The following ERCC8 variants were observed in gnomAD, a reference collection of about 807,000 sequenced individuals.
The protein encoded by ERCC8 is DNA excision repair protein ERCC-8.
In ERCC8, 52 loss-of-function variants were observed where a neutral mutation model predicts 54.9. The observed-to-expected ratio is 0.95, with a 90% CI of 0.76 to 1.19. ERCC8 has a LOEUF of 1.19. Among genes scored for constraint, ERCC8 ranks in the 50% most tolerant of loss-of-function variants. The probability of loss-of-function intolerance (pLI) is 0.00; values close to 1 mark genes in which losing one functional copy is unlikely to be tolerated. For synonymous variants in ERCC8, 146 were observed against 157.2 expected (o/e 0.93, Z 0.53); for missense variants, 514 against 466.1 (o/e 1.10, Z -0.95).
chr5:60,933,207 CTTTTTTTTCT>C (rs1318168140), intron 1 of ERCC8, among the ~76,000 whole-genome samples: 55 of 119,720 alleles, frequency 4.6e-4, no homozygotes, highest in African/African-American at 1.6e-3. Context: ...GCATTTTTTC[CTTTTTTTTCT>C]TTTTTTTTTT....
At chr5:60,932,952 T>A (rs1310643156) in intron 1 of ERCC8, among the ~76,000 whole-genome samples, 3 of 152,102 alleles carry the variant, frequency 2.0e-5, no homozygotes, top group East Asian at 3.9e-4. Context: ...TCTTTTAAAA[T>A]CACCTTTCCA....
chr5:60,941,719 T>G (rs569422139), intron 1 of ERCC8, among the ~76,000 whole-genome samples: 5 of 152,206 alleles, frequency 3.3e-5, no homozygotes, highest in Admixed American at 6.5e-5. Flanking sequence ...TTTGAATGGC[T>G]GCAGATTCCT....
rs1579987403 is a variant in ERCC8, at chr5:60,882,237, A to G, written c.1122+5203T>C. On this transcript the variant is annotated intron_variant, in intron 11 of 11. Transcript: ENST00000676185. ...AACTTTGAATCTTAGAATTCAATCA[A>G]TGAAAACAGTAGAAAAAGTTACGTG... 2.6e-5 allele frequency among the ~76,000 whole-genome samples: 4 copies of G among 152,190 alleles called. No homozygotes were observed. In the South Asian group the frequency reaches 8.3e-4, roughly 32 times the overall value.
At chr5:60,933,718 C>T (rs1488016449) in intron 1 of ERCC8, among the ~76,000 whole-genome samples, 11 of 152,194 alleles carry the variant, frequency 7.2e-5, no homozygotes, top group African/African-American at 2.2e-4. Context: ...TTTTAACCTT[C>T]ACCCCACTTC....
At chr5:60,903,501 G>A (rs937128607) in intron 6 of ERCC8, 147 bp downstream of exon 6, 67 of 1,349,538 alleles carry the variant, frequency 5.0e-5, no homozygotes, top group Non-Finnish European at 6.6e-5. Flanking sequence ...ATAATGCACA[G>A]AAGGATCTTT....
At chr5:60,887,660 C>T in intron 10 of ERCC8, 140 bp from the exon 11 acceptor site, 2 of 686,318 alleles carry the variant, frequency 2.9e-6, no homozygotes, top group Admixed American at 4.8e-5. Context: ...TAGGCCAATG[C>T]TGTTTTTCCT....
At chr5:60,928,257 T>C (rs1384772580) in intron 2 of ERCC8, among the ~76,000 whole-genome samples, 2 of 152,186 alleles carry the variant, frequency 1.3e-5, no homozygotes, top group Non-Finnish European at 2.9e-5. Flanking sequence ...AGTAAAAGTA[T>C]ATGTAATACT....
intron 1 of ERCC8, among the ~76,000 whole-genome samples, chr5:60,937,232 G>A (rs1448697833): frequency 6.6e-6 from 1 of 152,210 alleles, no homozygotes; most frequent in East Asian, 1.9e-4. Context: ...TTTGTTAAAT[G>A]TACTGGTTTT....
In ERCC8 at chr5:60,908,218, AT is replaced by A. The variant is rs35483171; in HGVS notation, c.400-3346del. On this transcript the variant is annotated intron_variant, in intron 4 of 11. Transcript: ENST00000676185. Reference sequence around the variant, plus strand: ...GGACCAGAAATGTTTCAGAGTTCAGATTTTTTTTTTTTTGGTTTGGAAGGTT... The same window carrying A: ...GGACCAGAAATGTTTCAGAGTTCAGATTTTTTTTTTTTGGTTTGGAAGGTT... Among the ~76,000 whole-genome samples, 262 of 144,882 alleles carry A rather than the reference AT, an allele frequency of 1.8e-3. 1 individual carries two copies. Among genetic ancestry groups the A allele is most frequent in the East Asian group, 4.8e-3 (24 of 5,012 alleles).
chr5:60,891,590 CA>C (rs1748558652), intron 9 of ERCC8, among the ~76,000 whole-genome samples: 1 of 150,854 alleles, frequency 6.6e-6, no homozygotes, highest in Non-Finnish European at 1.5e-5. Context: ...TAATACCCCC[CA>C]AAAACCATTC....
intron 2 of ERCC8, among the ~76,000 whole-genome samples, chr5:60,928,118 C>T (rs1308877852): frequency 6.6e-6 from 1 of 152,126 alleles, no homozygotes; most frequent in East Asian, 1.9e-4. Flanking sequence ...TAATTGTAGG[C>T]CACATGAAAG....
chr5:60,944,965 G>A lies in ERCC8; in HGVS notation c.44C>T (p.Pro15Leu). ...LSARQTGLED[P>L]LRLRRAESTR... The stretch of plus-strand genomic sequence containing the variant: ...TGACTCTGCTCTCCGAAGGCGAAGA[G>A]GGTCCTCCAAACCCGTTTGGCGTGC... The change falls in exon 1 of 12, where the codon CCT becomes CTT. Residue 15 changes from proline (P) to leucine (L), a missense_variant. Transcript: ENST00000676185. The A allele has an allele frequency of 6.2e-7, 1 of 1,614,116 alleles. No individual in the cohort carries two copies. The highest frequency in any genetic ancestry group is 8.5e-7 in the Non-Finnish European group (1 of 1,180,006).
intron 3 of ERCC8, chr5:60,919,636 C>G (rs1379327715): frequency 1.3e-5 from 2 of 152,016 alleles, no homozygotes; most frequent in Admixed American, 1.3e-4. Context: ...TCTTTCCTCT[C>G]TTACCTTTAT....
At chr5:60,904,667 TATATATATATATATATAA>T (rs1580006979) in intron 5 of ERCC8, 107 bp downstream of exon 5, 1 of 156,938 alleles carries the variant, frequency 6.4e-6, no homozygotes, top group East Asian at 1.7e-4. Context: ...TATATATATA[TATATATATATATATATAA>T]AATTGTGATA....
chr5:60,883,414 C>T (rs941299262), intron 11 of ERCC8, among the ~76,000 whole-genome samples: 1 of 152,184 alleles, frequency 6.6e-6, no homozygotes, highest in African/African-American at 2.4e-5. Flanking sequence ...GCAACATCTC[C>T]TCCTAGTGGA....
intron 4 of ERCC8, among the ~76,000 whole-genome samples, chr5:60,916,471 C>G (rs1046060273): frequency 5.9e-5 from 9 of 152,054 alleles, no homozygotes; most frequent in African/African-American, 9.7e-5. Context: ...AAACCCTCAA[C>G]TAGATGCCTG....
Position 60,878,995 on chromosome 5 carries a change from T to C in ERCC8, c.1123-4312A>G, listed in dbSNP as rs1233527957. Among the ~76,000 whole-genome samples the C allele has an allele frequency of 2.0e-5, 3 of 152,350 alleles. No individual in the cohort carries two copies. The East Asian group carries it at 5.8e-4, about 29-fold the overall frequency. Reference sequence around the variant, plus strand: ...ATTTTAGATCTTTCCTGCTTTCTCTTGTGGGCATTTAGTGCTATAAATTGC... The same window carrying C: ...ATTTTAGATCTTTCCTGCTTTCTCTCGTGGGCATTTAGTGCTATAAATTGC... On this transcript the variant is annotated intron_variant, in intron 11 of 11. Transcript: ENST00000676185.
At position 60,874,589 on chromosome 5, in the gene ERCC8, A is replaced by C; in HGVS notation, c.*26T>G. 6.2e-7 allele frequency: 1 copy of C among 1,606,516 alleles called. No individual in the cohort carries two copies. Among genetic ancestry groups the C allele is most frequent in the African/African-American group, 1.3e-5 (1 of 74,878 alleles). On this transcript the variant is annotated 3_prime_UTR_variant, in exon 12 of 12. Coordinates refer to ENST00000676185, the MANE Select transcript of ERCC8 (RefSeq NM_000082.4). ...AGTCTCATTTAAAAAGTTTCAGCAGAGACAAAAAGGTACTAAAGATGATAT... is the reference window on the plus strand; with the variant it reads ...AGTCTCATTTAAAAAGTTTCAGCAGCGACAAAAAGGTACTAAAGATGATAT...
chr5:60,899,734 A>G lies in ERCC8; in HGVS notation c.618-7T>C, dbSNP rs1227332367. ...TTTTACTCTACTGTCAGCACTGAGA[A>G]GAAATAAATGTTACATTGACATATG... is the stretch of plus-strand genomic sequence containing the variant. On this transcript the variant is annotated splice_polypyrimidine_tract_variant and splice_region_variant and intron_variant, in intron 7 of 11. Coordinates refer to ENST00000676185, the MANE Select transcript of ERCC8 (RefSeq NM_000082.4). The G allele has an allele frequency of 6.3e-7, 1 of 1,595,190 alleles. No individual in the cohort carries two copies. Among genetic ancestry groups the G allele is most frequent in the South Asian group, 1.1e-5 (1 of 90,700 alleles).
Sources: gnomAD v4.1 joint callset for allele counts (sites outside exome capture counted in the v4.1 genomes callset) on GRCh38, gnomAD v4.1.1 for gene constraint, MANE v1.5 for transcripts, NCBI Gene and HGNC (gene_info 2026-07-23, HGNC 2026-07-21) for gene names.